Variants in MPP7 observed in about 807,000 individuals in gnomAD.
MPP7 encodes the protein MAGUK p55 subfamily member 7.
In MPP7, 60 loss-of-function variants were observed where a neutral mutation model predicts 76.5. The observed-to-expected ratio is 0.78, with a 90% CI of 0.64 to 0.97. MPP7 has a LOEUF of 0.97. MPP7 is among the 50% of genes least tolerant of loss of function. The pLI is 0.00. For missense variants in MPP7, 641 were observed against 694.0 expected (o/e 0.92, Z 0.86); for synonymous variants, 237 against 244.5 (o/e 0.97, Z 0.29).
At chr10:28,327,100 C>T (rs903820103) in intron 2 of MPP7, among the ~76,000 whole-genome samples, 5 of 152,080 alleles carry the variant, frequency 3.3e-5, no homozygotes, top group Admixed American at 6.6e-5. Flanking sequence ...AAAACACCAA[C>T]GTGAACCTTC....
chr10:28,075,230 G>A (rs1353624237), intron 12 of MPP7, among the ~76,000 whole-genome samples: 2 of 152,112 alleles, frequency 1.3e-5, no homozygotes, highest in East Asian at 3.9e-4. Flanking sequence ...CCCCACCTCC[G>A]ACACTGGGGA....
At chr10:28,056,135 G>A (rs915539974) in intron 16 of MPP7, among the ~76,000 whole-genome samples, 1 of 152,200 alleles carries the variant, frequency 6.6e-6, no homozygotes, top group East Asian at 1.9e-4. Flanking sequence ...GAGTGTAGTG[G>A]TGTGATCTCA....
chr10:28,108,086 A>G (rs926896382), intron 11 of MPP7, among the ~76,000 whole-genome samples: 2 of 152,216 alleles, frequency 1.3e-5, no homozygotes, highest in African/African-American at 2.4e-5. Flanking sequence ...CAATTGTAAA[A>G]GACACAGTAC....
At chr10:28,146,397 GT>G in intron 5 of MPP7, among the ~76,000 whole-genome samples, 1 of 117,672 alleles carries the variant, frequency 8.5e-6, no homozygotes, top group Non-Finnish European at 1.7e-5. Context: ...TTTTTTTTTT[GT>G]TTTTTTGTTT....
At position 28,310,209 on chromosome 10, in the gene MPP7, C is replaced by T. The variant is rs546567186; in HGVS notation, c.-132+19720G>A. On this transcript the variant is annotated intron_variant, in intron 2 of 11. Transcript: ENST00000441595. Reference sequence around the variant, plus strand: ...TAGAGACGGGGTTTCACCATGTTGGCCAGGCTGGTCTCGAACTCCTGGCCT... The same window carrying T: ...TAGAGACGGGGTTTCACCATGTTGGTCAGGCTGGTCTCGAACTCCTGGCCT... 2.0e-5 allele frequency among the ~76,000 whole-genome samples: 3 copies of T among 152,134 alleles called. No homozygotes were observed. The East Asian group carries it at 5.8e-4, about 30-fold the overall frequency.
intron 1 of MPP7, among the ~76,000 whole-genome samples, chr10:28,287,767 G>T (rs561159976): frequency 4.6e-5 from 7 of 152,274 alleles, no homozygotes; most frequent in Admixed American, 2.6e-4. Context: ...ATTATAAAAT[G>T]TGCTAACATT....
At chr10:28,277,680 G>A (rs1404176569) in intron 1 of MPP7, among the ~76,000 whole-genome samples, 1 of 152,090 alleles carries the variant, frequency 6.6e-6, no homozygotes, top group Admixed American at 6.5e-5. Flanking sequence ...TAAACCGAAG[G>A]CTGCATATAT....
chr10:28,317,889 C>T (rs1564771528), intron 2 of MPP7, among the ~76,000 whole-genome samples: 1 of 152,126 alleles, frequency 6.6e-6, no homozygotes, highest in African/African-American at 2.4e-5. Flanking sequence ...TATGCTGCTT[C>T]GATTAGAGCA....
At chr10:28,123,069 AT>A (rs1277289912) in intron 8 of MPP7, among the ~76,000 whole-genome samples, 2 of 152,138 alleles carry the variant, frequency 1.3e-5, no homozygotes, top group Admixed American at 6.6e-5. Flanking sequence ...GATACCATCT[AT>A]GAAATGTTCC....
At chr10:28,068,860 T>A (rs1196187767) in intron 13 of MPP7, among the ~76,000 whole-genome samples, 1 of 152,230 alleles carries the variant, frequency 6.6e-6, no homozygotes, top group Non-Finnish European at 1.5e-5. Context: ...TAATTTGATG[T>A]CATATGTGTA....
intron 3 of MPP7, among the ~76,000 whole-genome samples, chr10:28,175,772 A>G (rs1033209171): frequency 6.6e-6 from 1 of 152,294 alleles, no homozygotes; most frequent in East Asian, 1.9e-4. Flanking sequence ...AAAAACTTGT[A>G]AGAGCTCAGG....
rs370251469 is a variant in MPP7, at chr10:28,115,668, C to T, written c.952+3983G>A. Among the ~76,000 whole-genome samples the T allele has an allele frequency of 6.0e-4, 91 of 152,308 alleles. 1 individual carries two copies. Among genetic ancestry groups the T allele is most frequent in the African/African-American group, 2.1e-3 (88 of 41,562 alleles). ...TATTATTCCTAAGTGTTAAGACATT[C>T]CAAAATACCGGTACCGTGTGCAGTG... On this transcript the variant is annotated intron_variant, in intron 11 of 16. Transcript: ENST00000683449.
At chr10:28,301,786 T>C (rs1260799226) in intron 1 of MPP7, among the ~76,000 whole-genome samples, 3 of 152,134 alleles carry the variant, frequency 2.0e-5, no homozygotes, top group Non-Finnish European at 4.4e-5. Context: ...ACTGTTTTTA[T>C]AGAACCAGAG....
At chr10:28,277,363 CAAAAAA>C (rs146764680) in intron 1 of MPP7, among the ~76,000 whole-genome samples, 10 of 130,332 alleles carry the variant, frequency 7.7e-5, no homozygotes, top group Admixed American at 3.8e-4. Context: ...AGCTGACGAG[CAAAAAA>C]AAAAAAATTA....
chr10:28,296,581 A>G (rs1564763689), intron 1 of MPP7, among the ~76,000 whole-genome samples: 1 of 152,200 alleles, frequency 6.6e-6, no homozygotes, highest in African/African-American at 2.4e-5. Context: ...ACTGCTATGT[A>G]TTTTCATCTC....
At chr10:28,163,233 A>G (rs1036876353) in intron 3 of MPP7, among the ~76,000 whole-genome samples, 1 of 152,086 alleles carries the variant, frequency 6.6e-6, no homozygotes, top group Non-Finnish European at 1.5e-5. Flanking sequence ...GCCACCTTGC[A>G]CTTCACAGTG....
intron 2 of MPP7, among the ~76,000 whole-genome samples, chr10:28,212,357 G>A (rs1838166456): frequency 6.6e-6 from 1 of 152,086 alleles, no homozygotes. Flanking sequence ...CTGAATGAGG[G>A]ACATGGGGGA....
intron 3 of MPP7, among the ~76,000 whole-genome samples, chr10:28,179,939 TAACTG>T (rs1277810081): frequency 6.6e-6 from 1 of 152,210 alleles, no homozygotes; most frequent in African/African-American, 2.4e-5. Flanking sequence ...ATTTAGCTTT[TAACTG>T]AACACAGAAA....
chr10:28,319,833 G>A (rs751610660), intron 2 of MPP7, among the ~76,000 whole-genome samples: 12 of 151,862 alleles, frequency 7.9e-5, no homozygotes, highest in Middle Eastern at 3.2e-3. Flanking sequence ...AAAATTAGCC[G>A]GGTGTGGTGA....
Sources: allele counts gnomAD v4.1 joint callset (sites outside exome capture counted in the v4.1 genomes callset), GRCh38; gene constraint gnomAD v4.1.1; transcripts MANE v1.5; gene names NCBI Gene and HGNC (gene_info 2026-07-23, HGNC 2026-07-21).